Variants in TMEM232 observed in about 807,000 individuals in gnomAD.
TMEM232 encodes transmembrane protein 232.
A neutral mutation model predicts 78.8 loss-of-function variants in TMEM232; 80 were observed. That is an observed-to-expected ratio of 1.01 (90% confidence interval 0.85 to 1.22). The LOEUF is 1.22. Ranked by LOEUF, TMEM232 falls within the 50% of genes most tolerant of loss-of-function variation. TMEM232 has a pLI of 0.00. For missense variants in TMEM232, 881 were observed against 742.2 expected, an observed-to-expected ratio of 1.19 and a Z score of -2.17; for synonymous variants, 297 against 254.3, an observed-to-expected ratio of 1.17 and a Z score of -1.60.
intron 12 of TMEM232, among the ~76,000 whole-genome samples, chr5:110,435,387 G>A (rs1288316120): frequency 6.6e-6 from 1 of 151,606 alleles, no homozygotes; most frequent in Non-Finnish European, 1.5e-5. Context: ...TATGGTACAT[G>A]AGATATTTTG....
At chr5:110,492,972 G>T (rs1339330625) in intron 12 of TMEM232, among the ~76,000 whole-genome samples, 1 of 151,820 alleles carries the variant, frequency 6.6e-6, no homozygotes, top group Non-Finnish European at 1.5e-5. Context: ...AACAAGATGT[G>T]CTATGATTGA....
At chr5:110,640,438 T>C (rs903803849) in intron 4 of TMEM232, among the ~76,000 whole-genome samples, 1 of 152,118 alleles carries the variant, frequency 6.6e-6, no homozygotes, top group African/African-American at 2.4e-5. Flanking sequence ...GAGGATGTTT[T>C]AAAGGAGGCA....
chr5:110,552,821 A>G (rs1354118067), intron 11 of TMEM232, among the ~76,000 whole-genome samples: 1 of 152,164 alleles, frequency 6.6e-6, no homozygotes, highest in Non-Finnish European at 1.5e-5. Flanking sequence ...GCCAGAGCCT[A>G]TGTCCAGAAT....
intron 10 of TMEM232, among the ~76,000 whole-genome samples, chr5:110,599,695 T>C (rs553213832): frequency 1.8e-4 from 28 of 152,234 alleles, no homozygotes; most frequent in African/African-American, 6.5e-4. Context: ...CAAAGAGATA[T>C]AGACTCCCAC....
chr5:110,683,893 A>G (rs1793068164), intron 1 of TMEM232, among the ~76,000 whole-genome samples: 1 of 152,038 alleles, frequency 6.6e-6, no homozygotes, highest in South Asian at 2.1e-4. Context: ...GGATGATTTA[A>G]TACTGTAAAA....
At position 110,680,593 on chromosome 5, in the gene TMEM232, T is replaced by G. The variant is rs139748876; in HGVS notation, c.-12-13229A>C. Among the ~76,000 whole-genome samples the G allele has an allele frequency of 5.8e-4, 89 of 152,176 alleles. 1 individual carries two copies. In the East Asian group the frequency reaches 0.013, roughly 21 times the overall value. The stretch of plus-strand genomic sequence containing the variant: ...AATCCCTTACTCTAACATAAACATT[T>G]TTCTATTATTGAGTAAAACCATATT... On this transcript the variant is annotated intron_variant, in intron 1 of 13. Transcript: ENST00000455884.
chr5:110,595,055 G>A (rs1779988139), intron 10 of TMEM232, among the ~76,000 whole-genome samples: 1 of 152,158 alleles, frequency 6.6e-6, no homozygotes, highest in Admixed American at 6.5e-5. Flanking sequence ...ACCCCTCTGG[G>A]ATGAAGCTAC....
chr5:110,709,635 A>T (rs1394809787), intron 1 of TMEM232, among the ~76,000 whole-genome samples: 1 of 152,152 alleles, frequency 6.6e-6, no homozygotes, highest in East Asian at 1.9e-4. Context: ...CTGAATAACA[A>T]GTGGGTCAAT....
At chr5:110,463,787 C>G (rs1011891872) in intron 12 of TMEM232, among the ~76,000 whole-genome samples, 3 of 152,156 alleles carry the variant, frequency 2.0e-5, no homozygotes, top group Non-Finnish European at 2.9e-5. Context: ...ACTTCTCCTG[C>G]CCTACTCCAC....
At chr5:110,621,788 C>T (rs1022902589) in intron 7 of TMEM232, among the ~76,000 whole-genome samples, 94 of 151,982 alleles carry the variant, frequency 6.2e-4, no homozygotes, top group African/African-American at 1.8e-3. Flanking sequence ...ACAGTTCTTT[C>T]GTCTCCCTCC....
intron 11 of TMEM232, among the ~76,000 whole-genome samples, chr5:110,540,418 A>G (rs1192726096): frequency 6.6e-6 from 1 of 152,174 alleles, no homozygotes; most frequent in Non-Finnish European, 1.5e-5. Context: ...GTTTAACCTA[A>G]TACCATGCCA....
intron 1 of TMEM232, among the ~76,000 whole-genome samples, chr5:110,724,686 T>A (rs27123): frequency 0.61 from 92,197 of 151,826 alleles, 32,328 homozygotes; most frequent in Non-Finnish European, 0.79. Context: ...CAGAAAGGCA[T>A]CCTAAAAGAT....
In TMEM232 at chr5:110,625,405, G is replaced by C; in HGVS notation, c.630C>G (p.His210Gln). Reference sequence around the variant, plus strand: ...CATTTGAAAAGATGTTTGGATACTTGTGATATGATGCTCCAGAGAAAGAAA... The same window carrying C: ...CATTTGAAAAGATGTTTGGATACTTCTGATATGATGCTCCAGAGAAAGAAA... ...YALSFSGASYHKYPNIFSNVQ... is the reference protein window; with the variant it reads ...YALSFSGASYQKYPNIFSNVQ... Residue 210 changes from histidine (H) to glutamine (Q), a missense_variant, in exon 7 of 14, where the codon CAC becomes CAG. His to Gln is a conservative substitution (Grantham distance 24). Transcript: ENST00000455884. 6.5e-7 allele frequency: 1 copy of C among 1,535,506 alleles called. No homozygotes were observed. Among genetic ancestry groups the C allele is most frequent in the Admixed American group, 2.0e-5 (1 of 49,184 alleles).
chr5:110,656,152 A>C (rs1007293503), intron 2 of TMEM232, among the ~76,000 whole-genome samples: 2 of 152,200 alleles, frequency 1.3e-5, no homozygotes, highest in Non-Finnish European at 2.9e-5. Flanking sequence ...TCAAGACAAC[A>C]AATAACAAAG....
At chr5:110,573,720 A>G (rs1777223583) in intron 10 of TMEM232, among the ~76,000 whole-genome samples, 1 of 152,106 alleles carries the variant, frequency 6.6e-6, no homozygotes. Context: ...CAAAACTTCC[A>G]TGAGGAGGTG....
chr5:110,413,231 C>G (rs1353833300), intron 2 of TMEM232, among the ~76,000 whole-genome samples: 2 of 152,148 alleles, frequency 1.3e-5, no homozygotes, highest in Non-Finnish European at 2.9e-5. Flanking sequence ...CTTCTTGCCT[C>G]CATGTTTCTC....
chr5:110,677,899 A>C (rs1792225127), intron 1 of TMEM232, among the ~76,000 whole-genome samples: 1 of 152,160 alleles, frequency 6.6e-6, no homozygotes, highest in African/African-American at 2.4e-5. Flanking sequence ...AACAGTGGAG[A>C]GATACGTTAG....
rs759126991 is a variant in TMEM232, at chr5:110,420,624, G to A, written c.1930C>T (p.Gln644Ter). The A allele has an allele frequency of 2.6e-6, 4 of 1,515,328 alleles. No homozygotes were observed. The South Asian group carries it at 5.1e-5, about 19-fold the overall frequency. The allele number at this position is 1,515,328 out of a possible 1,614,324, so 93.9% of individuals were successfully genotyped here. A position where few individuals can be genotyped will look rare whatever the true frequency, so the allele number is the denominator to read the frequency against. ...MKKREEKLHK[Q>*]TKPYELPYRK... ...TAAGGAAGTTCATAGGGCTTGGTTTGCTTATGTAGTTTCTCTTCTCTTTTC... is the reference window on the plus strand; with the variant it reads ...TAAGGAAGTTCATAGGGCTTGGTTTACTTATGTAGTTTCTCTTCTCTTTTC... The change falls in exon 14 of 14, where the codon CAA becomes TAA. Residue 644 changes from glutamine (Q) to a stop codon, truncating the protein, a stop_gained. Transcript: ENST00000455884. LOFTEE classifies it high-confidence loss of function.
chr5:110,541,605 C>A lies in TMEM232; in HGVS notation c.1456-12770G>T, dbSNP rs535805991. Among the ~76,000 whole-genome samples, 47 of 152,242 alleles carry A rather than the reference C, an allele frequency of 3.1e-4. 1 individual carries two copies. The highest frequency in any genetic ancestry group is 3.4e-3 in the Middle Eastern group (1 of 294). On this transcript the variant is annotated intron_variant, in intron 11 of 13. Coordinates refer to ENST00000455884, the MANE Select transcript of TMEM232 (RefSeq NM_001039763.4). ...TACATTCAGCATGGAGGCTTCAATC[C>A]TCTGGAAAAGTAGAAAGGACTATCC...
Sources: allele counts gnomAD v4.1 joint callset (sites outside exome capture counted in the v4.1 genomes callset), GRCh38; gene constraint gnomAD v4.1.1; transcripts MANE v1.5; gene names NCBI Gene and HGNC (gene_info 2026-07-23, HGNC 2026-07-21).